NELL2: variants seen among roughly 807,000 people sequenced by gnomAD.
NELL2 encodes the protein neural EGFL like 2.
A neutral mutation model predicts 109.6 loss-of-function variants in NELL2; 41 were observed. The observed-to-expected ratio is 0.37, with a 90% CI of 0.29 to 0.49. The LOEUF (loss-of-function observed/expected upper bound fraction) is 0.49. NELL2 is among the 20% of genes least tolerant of loss of function. The probability of loss-of-function intolerance (pLI) is 0.98; values close to 1 mark genes in which losing one functional copy is unlikely to be tolerated. For missense variants in NELL2, 900 were observed against 1,008.3 expected, an observed-to-expected ratio of 0.89 and a Z score of 1.45; for synonymous variants, 355 against 344.7, an observed-to-expected ratio of 1.03 and a Z score of -0.33.
chr12:44,914,852 A>T (rs1015441812), upstream of NELL2, among the ~76,000 whole-genome samples: 3 of 145,416 alleles, frequency 2.1e-5, no homozygotes, highest in African/African-American at 7.8e-5. Flanking sequence ...GTAAAAAAGA[A>T]ATTTTTTTTT....
At chr12:44,841,378 A>G (rs1944221763) in intron 2 of NELL2, among the ~76,000 whole-genome samples, 1 of 152,210 alleles carries the variant, frequency 6.6e-6, no homozygotes, top group Non-Finnish European at 1.5e-5. Context: ...TTTCCTCACA[A>G]AGGGACAGCA....
intron 9 of NELL2, among the ~76,000 whole-genome samples, chr12:44,765,583 G>A (rs1307055209): frequency 6.6e-6 from 1 of 152,118 alleles, no homozygotes; most frequent in Non-Finnish European, 1.5e-5. Flanking sequence ...ACATAATATA[G>A]GTGAAATATA....
At chr12:44,729,186 T>A (rs1939233155) in intron 9 of NELL2, among the ~76,000 whole-genome samples, 1 of 152,092 alleles carries the variant, frequency 6.6e-6, no homozygotes, top group Non-Finnish European at 1.5e-5. Flanking sequence ...TTAATGGACA[T>A]GCCACCTAAA....
At chr12:44,740,905 T>C (rs536844931) in intron 9 of NELL2, among the ~76,000 whole-genome samples, 1 of 152,332 alleles carries the variant, frequency 6.6e-6, no homozygotes, top group East Asian at 1.9e-4. Flanking sequence ...AGGGATAATC[T>C]GTTTATTCAC....
chr12:44,630,932 A>G (rs985153131), intron 13 of NELL2, among the ~76,000 whole-genome samples: 3 of 152,090 alleles, frequency 2.0e-5, no homozygotes, highest in Admixed American at 6.6e-5. Context: ...TGTCAACTTC[A>G]TTTGTGTTGG....
intron 12 of NELL2, among the ~76,000 whole-genome samples, chr12:44,697,067 C>T (rs1949082068): frequency 6.6e-6 from 1 of 152,126 alleles, no homozygotes; most frequent in Admixed American, 6.5e-5. Flanking sequence ...TTAACATAGG[C>T]TAATAATAGT....
intron 16 of NELL2, among the ~76,000 whole-genome samples, chr12:44,526,518 GTTC>G (rs1363469666): frequency 6.6e-6 from 1 of 152,178 alleles, no homozygotes; most frequent in Non-Finnish European, 1.5e-5. Flanking sequence ...CTAAGCCTGT[GTTC>G]TTAAGTACCA....
At chr12:44,562,279 C>A (rs1943494116) in intron 15 of NELL2, among the ~76,000 whole-genome samples, 1 of 152,150 alleles carries the variant, frequency 6.6e-6, no homozygotes, top group African/African-American at 2.4e-5. Context: ...GACTAAAACA[C>A]CAAAAGTAAT....
chr12:44,553,251 C>A (rs1943110819), intron 15 of NELL2, among the ~76,000 whole-genome samples: 1 of 136,226 alleles, frequency 7.3e-6, no homozygotes, highest in African/African-American at 2.7e-5. Context: ...CACATGTACC[C>A]TAAAACTTAA....
rs142466872 is a variant in NELL2, at chr12:44,608,995, A to T, written c.1568-1731T>A. ...TTATGCATAGTAAGAGATTAACAAC[A>T]GTAATTTATAATAAAATAGGTCAAT... On this transcript the variant is annotated intron_variant, in intron 14 of 19. Transcript: ENST00000429094. Among the ~76,000 whole-genome samples, 114 of 151,842 alleles carry T rather than the reference A, an allele frequency of 7.5e-4. 1 individual carries two copies. The highest frequency in any genetic ancestry group is 3.6e-3 in the Admixed American group (55 of 15,214).
Position 44,828,813 on chromosome 12 carries a change from T to C in NELL2, c.185-12677A>G, listed in dbSNP as rs538589828. Among the ~76,000 whole-genome samples the C allele has an allele frequency of 5.9e-5, 9 of 152,306 alleles. No homozygotes were observed. In the South Asian group the frequency reaches 1.7e-3, roughly 28 times the overall value. ...TATAACAAATACAAGTTCTGAAGAC[T>C]ATTCTATTTCATTTGTTTTCATTCC... On this transcript the variant is annotated intron_variant, in intron 2 of 19. Coordinates refer to ENST00000429094, the MANE Select transcript of NELL2 (RefSeq NM_001145108.2).
At chr12:44,743,131 C>A (rs1327675023) in intron 9 of NELL2, among the ~76,000 whole-genome samples, 1 of 152,134 alleles carries the variant, frequency 6.6e-6, no homozygotes, top group Non-Finnish European at 1.5e-5. Flanking sequence ...GCCAGAAGAG[C>A]ATGGGGACCA....
intron 2 of NELL2, among the ~76,000 whole-genome samples, chr12:44,856,787 T>C (rs568012338): frequency 6.6e-6 from 1 of 152,182 alleles, no homozygotes; most frequent in Non-Finnish European, 1.5e-5. Flanking sequence ...GTCTTTTATT[T>C]TGAGTGAAAC....
intron 12 of NELL2, among the ~76,000 whole-genome samples, chr12:44,685,614 G>T (rs1266111677): frequency 6.6e-6 from 1 of 151,948 alleles, no homozygotes; most frequent in Non-Finnish European, 1.5e-5. Context: ...AGCCCTGGTG[G>T]TGATAAAATC....
chr12:44,746,039 T>C (rs940662084), intron 9 of NELL2, among the ~76,000 whole-genome samples: 5 of 152,146 alleles, frequency 3.3e-5, no homozygotes, highest in African/African-American at 1.2e-4. Context: ...GCTACCTGAC[T>C]TCAAACTATA....
chr12:44,841,320 T>C (rs1158140170), intron 2 of NELL2, among the ~76,000 whole-genome samples: 1 of 152,190 alleles, frequency 6.6e-6, no homozygotes, highest in Non-Finnish European at 1.5e-5. Flanking sequence ...AATCCTTAAA[T>C]ATCACATGCT....
At chr12:44,677,906 G>A (rs1182393606) in intron 12 of NELL2, among the ~76,000 whole-genome samples, 1 of 152,044 alleles carries the variant, frequency 6.6e-6, no homozygotes, top group Non-Finnish European at 1.5e-5. Context: ...AGATGCTTAT[G>A]ACACATCCAG....
At chr12:44,737,509 T>G (rs1939713433) in intron 9 of NELL2, among the ~76,000 whole-genome samples, 1 of 152,150 alleles carries the variant, frequency 6.6e-6, no homozygotes, top group Non-Finnish European at 1.5e-5. Context: ...TAGTGTTATT[T>G]TAATTCGAAA....
At chr12:44,788,368 T>G (rs949735998) in intron 3 of NELL2, among the ~76,000 whole-genome samples, 1 of 152,132 alleles carries the variant, frequency 6.6e-6, no homozygotes, top group Non-Finnish European at 1.5e-5. Context: ...AAAAGGGAGA[T>G]CCTCTTCTCC....
Sources: allele counts gnomAD v4.1 joint callset (sites outside exome capture counted in the v4.1 genomes callset), GRCh38; gene constraint gnomAD v4.1.1; transcripts MANE v1.5; gene names NCBI Gene and HGNC (gene_info 2026-07-23, HGNC 2026-07-21).